The following CHLSN variants were observed in gnomAD, a reference collection of about 807,000 sequenced individuals.
The protein encoded by CHLSN is cholesin.
At chr7:1,103,875 C>T in the CHLSN span, among the ~76,000 whole-genome samples, 550 of 152,346 alleles carry the variant, frequency 3.6e-3, 2 homozygotes, top group Non-Finnish European at 5.4e-3. Context: ...GACCAGGCAG[C>T]GTGGAGAGCA....
the CHLSN span, among the ~76,000 whole-genome samples, chr7:980,127 G>T: frequency 6.6e-6 from 1 of 152,200 alleles, no homozygotes; most frequent in Non-Finnish European, 1.5e-5. Context: ...GCCATCTCTG[G>T]AAGCCGCCAT....
chr7:1,108,453 A>G, the CHLSN span, among the ~76,000 whole-genome samples: 3 of 152,100 alleles, frequency 2.0e-5, no homozygotes, highest in Non-Finnish European at 4.4e-5. Flanking sequence ...GCAGCTTTGC[A>G]CCTATCTGCT....
the CHLSN span, chr7:1,028,800 C>T: frequency 1.1e-6 from 1 of 887,740 alleles, no homozygotes; most frequent in African/African-American, 1.9e-5. Context: ...CTATCGCTCC[C>T]CCAATCTGAC....
chr7:1,073,865 G>A, the CHLSN span, among the ~76,000 whole-genome samples: 1,171 of 42,010 alleles, frequency 0.028, 38 homozygotes, highest in East Asian at 0.053. Context: ...CCCCGCTGCC[G>A]TGACGCCCGC....
chr7:1,101,908 C>T, the CHLSN span, among the ~76,000 whole-genome samples: 2 of 152,246 alleles, frequency 1.3e-5, no homozygotes, highest in East Asian at 1.9e-4. Flanking sequence ...GCTGGGCCAC[C>T]GTCACCCTGC....
the CHLSN span, chr7:997,295 A>C: frequency 3.6e-6 from 1 of 274,362 alleles, no homozygotes; most frequent in Non-Finnish European, 6.8e-6. Flanking sequence ...AAAAATAGAC[A>C]TTTCCCTCCA....
chr7:1,066,117 G>T, the CHLSN span, among the ~76,000 whole-genome samples: 1 of 152,244 alleles, frequency 6.6e-6, no homozygotes, highest in African/African-American at 2.4e-5. Flanking sequence ...GCCGGCAGCC[G>T]GCGGCTGGAG....
chr7:995,182 G>A, the CHLSN span, among the ~76,000 whole-genome samples: 23 of 152,352 alleles, frequency 1.5e-4, 1 homozygote, highest in African/African-American at 5.1e-4. Flanking sequence ...TTGCATGGGC[G>A]GGTGCCCTCA....
the CHLSN span, among the ~76,000 whole-genome samples, chr7:1,099,685 G>A: frequency 2.0e-5 from 3 of 152,216 alleles, no homozygotes; most frequent in Non-Finnish European, 2.9e-5. Flanking sequence ...TGCCAGCTCC[G>A]CCTCCTGCAG....
the CHLSN span, among the ~76,000 whole-genome samples, chr7:995,183 G>A: frequency 3.3e-5 from 5 of 152,238 alleles, no homozygotes; most frequent in Admixed American, 1.3e-4. Context: ...TGCATGGGCG[G>A]GTGCCCTCAC....
At chr7:1,071,958 G>T in the CHLSN span, among the ~76,000 whole-genome samples, 7 of 152,204 alleles carry the variant, frequency 4.6e-5, no homozygotes, top group South Asian at 6.2e-4. Flanking sequence ...CGGCACACGT[G>T]GGGAGGCTGC....
the CHLSN span, among the ~76,000 whole-genome samples, chr7:1,113,441 G>C: frequency 6.6e-6 from 1 of 151,988 alleles, no homozygotes; most frequent in Non-Finnish European, 1.5e-5. Context: ...CCTGTTCGGA[G>C]CAGGTGTGCG....
the CHLSN span, chr7:1,092,868 C>T: frequency 6.8e-6 from 11 of 1,608,872 alleles, no homozygotes; most frequent in Admixed American, 5.0e-5. Context: ...CAGCCTTGGC[C>T]GCATAGGCCC....
the CHLSN span, among the ~76,000 whole-genome samples, chr7:1,102,347 G>A: frequency 1.3e-5 from 2 of 152,190 alleles, no homozygotes; most frequent in African/African-American, 2.4e-5. Context: ...GGCAGCTCTT[G>A]ATTTGTGTAT....
At chr7:1,022,001 G>T in the CHLSN span, among the ~76,000 whole-genome samples, 1 of 152,194 alleles carries the variant, frequency 6.6e-6, no homozygotes, top group East Asian at 1.9e-4. Context: ...GCACACCCAG[G>T]TGACAGCGAT....
chr7:1,070,384 G>A, the CHLSN span, among the ~76,000 whole-genome samples: 2 of 118,058 alleles, frequency 1.7e-5, no homozygotes, highest in Non-Finnish European at 4.0e-5. Flanking sequence ...CCGGCCAGCC[G>A]CCCCGTCCGG....
At chr7:1,028,530 C>G in the CHLSN span, 2 of 985,046 alleles carry the variant, frequency 2.0e-6, no homozygotes, top group Non-Finnish European at 2.4e-6. Flanking sequence ...GCCCCCACTG[C>G]TCCTCCGACG....
the CHLSN span, among the ~76,000 whole-genome samples, chr7:1,112,465 G>C: frequency 6.6e-6 from 1 of 152,202 alleles, no homozygotes; most frequent in Non-Finnish European, 1.5e-5. Flanking sequence ...TGGAGAAAGA[G>C]ACCACAGGAG....
At chr7:1,063,160 C>A in the CHLSN span, among the ~76,000 whole-genome samples, 1 of 152,192 alleles carries the variant, frequency 6.6e-6, no homozygotes, top group Non-Finnish European at 1.5e-5. Context: ...TGGGGGACCA[C>A]AAGATGAACA....
Sources: gnomAD v4.1 joint callset for allele counts (sites outside exome capture counted in the v4.1 genomes callset) on GRCh38, gnomAD v4.1.1 for gene constraint, MANE v1.5 for transcripts, NCBI Gene and HGNC (gene_info 2026-07-23, HGNC 2026-07-21) for gene names.